Variants in TOPBP1 observed in about 807,000 individuals in gnomAD.
The protein encoded by TOPBP1 is DNA topoisomerase 2-binding protein 1.
In TOPBP1, 28 loss-of-function variants were observed where a neutral mutation model predicts 167.7. The ratio of observed to expected loss-of-function variants is 0.17; its 90% CI spans 0.12 to 0.23. The LOEUF is 0.23. Ranked by LOEUF, TOPBP1 falls within the 10% of genes least tolerant of loss-of-function variation. The probability of loss-of-function intolerance (pLI) is 1.00; values close to 1 mark genes in which losing one functional copy is unlikely to be tolerated. For missense variants in TOPBP1, 1,554 were observed against 1,809.6 expected, an observed-to-expected ratio of 0.86 and a Z score of 2.56; for synonymous variants, 598 against 611.4, an observed-to-expected ratio of 0.98 and a Z score of 0.32.
chr3:133,628,774 G>A (rs773371350), intron 14 of TOPBP1, 41 bp from the exon 15 acceptor site: 1 of 1,537,336 alleles, frequency 6.5e-7, no homozygotes. Flanking sequence ...GAAAAGAAGA[G>A]AGAGAGAGAG....
rs776050259 is a variant in TOPBP1, at chr3:133,611,079, C to A, written c.4098G>T (p.Gln1366His). The change falls in exon 25 of 28, where the codon CAG (glutamine) becomes CAT (histidine). Residue 1366 changes from glutamine to histidine, a missense_variant. Physicochemically the swap from Gln to His is conservative, Grantham distance 24. Around this residue, in one of 3 missense-constraint regions of TOPBP1, gnomAD observed 351 missense variants for 432.9 expected, o/e 0.81. Transcript: ENST00000260810. ...TTGCTGCAAGTGCTAGTCTTCGTTG[C>A]TGTACATTGATTCCAGTCAGAACAT... ...ILDVLTGINV[Q>H]QRRLALAAMR... 171 of 1,613,088 alleles carry A rather than the reference C, an allele frequency of 1.1e-4. No homozygotes were observed. Among genetic ancestry groups the A allele is most frequent in the Non-Finnish European group, 1.4e-4 (162 of 1,179,436 alleles).
chr3:133,648,374 A>G (rs867167890), intron 10 of TOPBP1, among the ~76,000 whole-genome samples: 4 of 152,260 alleles, frequency 2.6e-5, no homozygotes, highest in African/African-American at 9.6e-5. Context: ...AATGAAACAA[A>G]TACTGACCAT....
At chr3:133,640,362 T>C (rs891284680) in intron 12 of TOPBP1, among the ~76,000 whole-genome samples, 192 bp from the exon 13 acceptor site, 1 of 152,232 alleles carries the variant, frequency 6.6e-6, no homozygotes, top group African/African-American at 2.4e-5. Context: ...TAAAAATGTA[T>C]TGCTGTAACA....
At chr3:133,608,742 G>C (rs369474942) in intron 26 of TOPBP1, 46 bp from the exon 27 acceptor site, 106 of 1,604,568 alleles carry the variant, frequency 6.6e-5, no homozygotes, top group Non-Finnish European at 8.4e-5. Flanking sequence ...GTATTCCAAA[G>C]TAGTTCAGCT....
intron 14 of TOPBP1, among the ~76,000 whole-genome samples, chr3:133,635,895 TA>T (rs1935656473): frequency 6.6e-6 from 1 of 152,122 alleles, no homozygotes; most frequent in African/African-American, 2.4e-5. Flanking sequence ...CCATCAACAG[TA>T]CACTGGAAAT....
At chr3:133,623,531 G>C (rs1400022781) in intron 17 of TOPBP1, 74 bp from the exon 18 acceptor site, 1 of 1,473,114 alleles carries the variant, frequency 6.8e-7, no homozygotes, top group African/African-American at 1.4e-5. Context: ...GTAGGATAAG[G>C]ACAAGCAATA....
At chr3:133,601,487 G>C in intron 27 of TOPBP1, 94 bp from the exon 28 acceptor site, 1 of 1,007,294 alleles carries the variant, frequency 9.9e-7, no homozygotes, top group Admixed American at 3.5e-5. Context: ...GACCTCTCAG[G>C]GATGAATCTG....
In TOPBP1 at chr3:133,622,294, G is replaced by A. The variant is rs142636457; in HGVS notation, c.3178+797C>T. Reference sequence around the variant, plus strand: ...CAACCTCCGCCTCCCGAGTTCAAGCGATTCTCCTGCCTCAGCCTCCCGAGT... The same window carrying A: ...CAACCTCCGCCTCCCGAGTTCAAGCAATTCTCCTGCCTCAGCCTCCCGAGT... On this transcript the variant is annotated intron_variant, in intron 19 of 27. Coordinates refer to ENST00000260810, the MANE Select transcript of TOPBP1 (RefSeq NM_007027.4). Among the ~76,000 whole-genome samples the A allele has an allele frequency of 7.0e-3, 1,043 of 148,438 alleles. 17 individuals carry two copies. Among genetic ancestry groups the A allele is most frequent in the African/African-American group, 0.022 (897 of 39,956 alleles).
At position 133,601,635 on chromosome 3, in the gene TOPBP1, C is replaced by T. The variant is rs960197251; in HGVS notation, c.4426-242G>A. ...TAGAGTGGGACTAGCTCAGATCTTA[C>T]AAACATTTCATATCGGTGTTTTTAA... is the stretch of plus-strand genomic sequence containing the variant. On this transcript the variant is annotated intron_variant, in intron 27 of 27. Transcript: ENST00000260810. Among the ~76,000 whole-genome samples the T allele has an allele frequency of 1.3e-5, 2 of 152,000 alleles. 1 individual carries two copies. The highest frequency in any genetic ancestry group is 4.1e-4 in the South Asian group (2 of 4,828).
At chr3:133,621,699 A>G (rs1036295765) in intron 19 of TOPBP1, among the ~76,000 whole-genome samples, 4 of 152,204 alleles carry the variant, frequency 2.6e-5, no homozygotes, top group Non-Finnish European at 4.4e-5. Context: ...TTTTCTTTAA[A>G]GCCTAAACTC....
Position 133,640,017 on chromosome 3 carries a change from A to T in TOPBP1, c.2175T>A (p.Ala725=). 1 of 1,613,924 alleles carries T rather than the reference A, an allele frequency of 6.2e-7. No homozygotes were observed. The highest frequency in any genetic ancestry group is 8.5e-7 in the Non-Finnish European group (1 of 1,179,858). Residue 725 remains alanine, a synonymous_variant, in exon 13 of 28, where the codon GCT becomes GCA. Coordinates refer to ENST00000260810, the MANE Select transcript of TOPBP1 (RefSeq NM_007027.4). The stretch of plus-strand genomic sequence containing the variant: ...TTTCGTCTGCTCTCTTTCCCGTTCT[A>T]GCAGTCTCCAACAGCCAAGCTATAG... ...AVTIAWLLET[A]RTGKRADESH...
chr3:133,628,774 G>C (rs773371350), intron 14 of TOPBP1, 41 bp from the exon 15 acceptor site: 8 of 1,537,336 alleles, frequency 5.2e-6, no homozygotes, highest in Non-Finnish European at 7.0e-6. Flanking sequence ...GAAAAGAAGA[G>C]AGAGAGAGAG....
At chr3:133,608,077 A>T (rs2107769417) in intron 27 of TOPBP1, among the ~76,000 whole-genome samples, 1 of 152,280 alleles carries the variant, frequency 6.6e-6, no homozygotes, top group African/African-American at 2.4e-5. Context: ...ACCCCATTCA[A>T]ATTACACAAC....
intron 14 of TOPBP1, among the ~76,000 whole-genome samples, chr3:133,637,398 T>A (rs1935713414): frequency 6.6e-6 from 1 of 152,180 alleles, no homozygotes; most frequent in Non-Finnish European, 1.5e-5. Context: ...TTAACTCATG[T>A]CTTTACAGGA....
chr3:133,602,891 C>CTTT, intron 27 of TOPBP1, among the ~76,000 whole-genome samples: 1 of 136,894 alleles, frequency 7.3e-6, no homozygotes, highest in African/African-American at 2.7e-5. Flanking sequence ...TACCTTTTTT[C>CTTT]ATTTTTTTTT....
In TOPBP1 at chr3:133,628,641, C is replaced by A; in HGVS notation, c.2613G>T (p.Leu871Phe). ...TPLSEVIVKNLQLALANSSRN... is the reference protein window; with the variant it reads ...TPLSEVIVKNFQLALANSSRN... ...GAGAGCTATTTGCCAAAGCAAGTTG[C>A]AAGTTTTTGACAATAACTTCTGAGA... Residue 871 changes from leucine to phenylalanine, a missense_variant, in exon 15 of 28, where the codon TTG becomes TTT. By Grantham distance (22) the Leu-to-Phe change is conservative. Coordinates refer to ENST00000260810, the MANE Select transcript of TOPBP1 (RefSeq NM_007027.4). 6.3e-7 allele frequency: 1 copy of A among 1,598,942 alleles called. No homozygotes were observed. Among genetic ancestry groups the A allele is most frequent in the African/African-American group, 1.3e-5 (1 of 74,816 alleles).
chr3:133,645,652 T>C (rs982361586), intron 10 of TOPBP1, among the ~76,000 whole-genome samples: 6 of 152,168 alleles, frequency 3.9e-5, no homozygotes, highest in African/African-American at 1.4e-4. Flanking sequence ...TCCAGTAGAA[T>C]TTTAGACTAC....
At position 133,653,517 on chromosome 3, in the gene TOPBP1, C is replaced by T. The variant is rs1338005805; in HGVS notation, c.750G>A (p.Lys250=). 2 of 1,568,840 alleles carry T rather than the reference C, an allele frequency of 1.3e-6. No homozygotes were observed. The highest frequency in any genetic ancestry group is 2.0e-5 in the Admixed American group (1 of 49,752). ...CATTCCATCTCTTGGCACACTCATA[C>T]TTCTGACCTGTGGCGTTCATTAAGA... ...HLIVQEPKGQ[K]YECAKRWNVH... is the part of the protein sequence containing the mutation. Residue 250 remains lysine, a synonymous_variant, in exon 7 of 28, where the codon AAG becomes AAA. Coordinates refer to ENST00000260810, the MANE Select transcript of TOPBP1 (RefSeq NM_007027.4).
rs376871948 is a variant in TOPBP1 at position 133,612,482 on chromosome 3, T to C, written c.3942A>G (p.Arg1314=). ...CTHIVVGHPL[R]NEKYLASVAA... is the part of the protein sequence containing the mutation. ...CCACTGAGGCTAAATACTTCTCGTT[T>C]CGAAGTGGATGTCCCACAACAATGT... The change falls in exon 24 of 28, where the codon CGA becomes CGG. Residue 1314 remains arginine, a synonymous_variant. Coordinates refer to ENST00000260810, the MANE Select transcript of TOPBP1 (RefSeq NM_007027.4). 35 of 1,613,982 alleles carry C rather than the reference T, an allele frequency of 2.2e-5. No homozygotes were observed. The East Asian group carries it at 2.2e-4, about 10-fold the overall frequency.
Sources: gnomAD v4.1 joint callset for allele counts (sites outside exome capture counted in the v4.1 genomes callset) on GRCh38, gnomAD v4.1.1 for gene constraint, gnomAD v4.1.1 regional missense constraint, MANE v1.5 for transcripts, NCBI Gene and HGNC (gene_info 2026-07-23, HGNC 2026-07-21) for gene names.